Variants in KSR1 observed in about 807,000 individuals in gnomAD.
KSR1 encodes kinase suppressor of ras 1.
KSR1 carries 35 observed loss-of-function variants against 92.9 expected under a neutral mutation model. The ratio of observed to expected loss-of-function variants is 0.38; its 90% CI spans 0.29 to 0.50. KSR1 has a LOEUF of 0.50. Among genes scored for constraint, KSR1 ranks in the 20% least tolerant of loss-of-function variants. KSR1 has a pLI of 0.94. For missense variants in KSR1, 972 were observed against 1,158.5 expected (o/e 0.84, Z 2.34); for synonymous variants, 467 against 472.6 (o/e 0.99, Z 0.15).
At chr17:27,607,211 A>AT (rs1276017615) in intron 14 of KSR1, among the ~76,000 whole-genome samples, 1 of 152,200 alleles carries the variant, frequency 6.6e-6, no homozygotes, top group Non-Finnish European at 1.5e-5. Context: ...ACAGATAAGG[A>AT]AATCACCAAC....
intron 1 of KSR1, among the ~76,000 whole-genome samples, chr17:27,479,539 G>A (rs935891059): frequency 4.6e-5 from 7 of 152,152 alleles, no homozygotes; most frequent in African/African-American, 9.7e-5. Flanking sequence ...AGGTGACAGG[G>A]ATGGGCTGCT....
chr17:27,498,058 G>A (rs926602479), intron 1 of KSR1, among the ~76,000 whole-genome samples: 5 of 152,132 alleles, frequency 3.3e-5, no homozygotes, highest in African/African-American at 9.7e-5. Flanking sequence ...GGCTGGGAGC[G>A]GTGGCTTATG....
chr17:27,547,778 T>C (rs1410151264), intron 1 of KSR1, among the ~76,000 whole-genome samples: 2 of 152,176 alleles, frequency 1.3e-5, no homozygotes, highest in Non-Finnish European at 2.9e-5. Flanking sequence ...AGTGGCATGA[T>C]CTTGGCTTCC....
At chr17:27,575,779 A>G (rs1367960463) in intron 2 of KSR1, among the ~76,000 whole-genome samples, 5 of 152,108 alleles carry the variant, frequency 3.3e-5, no homozygotes, top group Admixed American at 2.6e-4. Context: ...CCTTGATTCT[A>G]CCATTCATTC....
At chr17:27,556,343 A>AG (rs2071595170) in intron 2 of KSR1, among the ~76,000 whole-genome samples, 1 of 151,962 alleles carries the variant, frequency 6.6e-6, no homozygotes, top group African/African-American at 2.4e-5. Flanking sequence ...CTTCCCAAGT[A>AG]GCTGGGACTG....
Position 27,526,214 on chromosome 17 carries a change from A to C in KSR1, c.232-24354A>C, listed in dbSNP as rs2070292252. On this transcript the variant is annotated intron_variant, in intron 1 of 20. Transcript: ENST00000644974. The stretch of plus-strand genomic sequence containing the variant: ...AGAAGACTGTAACAGCTTCTTTGCC[A>C]CTTAAGGGGTACAAAGGGTGCAGCT... 4.0e-5 allele frequency among the ~76,000 whole-genome samples: 6 copies of C among 151,594 alleles called. 1 individual carries two copies. In the South Asian group the frequency reaches 1.2e-3, roughly 31 times the overall value.
intron 1 of KSR1, among the ~76,000 whole-genome samples, chr17:27,470,428 G>T (rs561263782): frequency 6.6e-6 from 1 of 152,178 alleles, no homozygotes; most frequent in Admixed American, 6.5e-5. Context: ...TTTTAGTAGA[G>T]ACAGGGTTTC....
At chr17:27,550,761 G>T in intron 2 of KSR1, 53 bp downstream of exon 2, 1 of 739,358 alleles carries the variant, frequency 1.4e-6, no homozygotes, top group South Asian at 1.4e-5. Context: ...CAAGCAGAGG[G>T]AACACACACA....
At chr17:27,535,992 C>G (rs576772724) in intron 1 of KSR1, among the ~76,000 whole-genome samples, 10 of 152,356 alleles carry the variant, frequency 6.6e-5, no homozygotes, top group Admixed American at 2.6e-4. Flanking sequence ...GACACTGCCT[C>G]TCTCCCATTG....
Position 27,617,402 on chromosome 17 carries a change from C to T in KSR1, c.2601C>T (p.His867=), listed in dbSNP as rs1357306538. The T allele has an allele frequency of 6.2e-7, 1 of 1,612,126 alleles. No individual in the cohort carries two copies. The highest frequency in any genetic ancestry group is 8.5e-7 in the Non-Finnish European group (1 of 1,178,598). Reference sequence around the variant, plus strand: ...CCAAGCTGAACCGGCGGCTCTCCCACCCTGGACACTTCTGGAAGTCAGCTG... The same window carrying T: ...CCAAGCTGAACCGGCGGCTCTCCCATCCTGGACACTTCTGGAAGTCAGCTG... The part of the protein sequence containing the change: ...KLPKLNRRLS[H]PGHFWKSADR... The change falls in exon 19 of 21, where the codon CAC becomes CAT. Residue 867 remains histidine (H), a synonymous_variant. Coordinates refer to ENST00000644974, the MANE Select transcript of KSR1 (RefSeq NM_001394583.1).
intron 1 of KSR1, among the ~76,000 whole-genome samples, chr17:27,520,807 T>C (rs1032119635): frequency 3.3e-5 from 5 of 152,220 alleles, no homozygotes; most frequent in African/African-American, 1.2e-4. Flanking sequence ...GGGTGCTGCC[T>C]TCCCCCTTAC....
intron 2 of KSR1, among the ~76,000 whole-genome samples, chr17:27,575,091 G>T (rs2072454020): frequency 6.6e-6 from 1 of 152,198 alleles, no homozygotes; most frequent in South Asian, 2.1e-4. Context: ...CCAAAAGAGG[G>T]TTCTTGAGTC....
Position 27,602,115 on chromosome 17 carries a change from GT to G in KSR1, c.1510+724del, listed in dbSNP as rs368673379. ...GGTGTTTAAAACAAAGACTGTAGCT[GT>G]TTTTTTTTTGGATTGAACAGGACTG... On this transcript the variant is annotated intron_variant, in intron 11 of 20. Transcript: ENST00000644974. Among the ~76,000 whole-genome samples, 543 of 149,424 alleles carry G rather than the reference GT, an allele frequency of 3.6e-3. 8 individuals carry two copies. Among genetic ancestry groups the G allele is most frequent in the African/African-American group, 0.013 (513 of 40,902 alleles).
chr17:27,603,992 C>A, intron 12 of KSR1, 104 bp downstream of exon 12: 2 of 1,170,918 alleles, frequency 1.7e-6, no homozygotes, highest in Non-Finnish European at 2.5e-6. Context: ...CTCCAGCCAG[C>A]CAGATGCAGA....
chr17:27,592,553 C>T lies in KSR1; in HGVS notation c.1226C>T (p.Ser409Leu), dbSNP rs541427667. 3.3e-5 allele frequency: 54 copies of T among 1,613,958 alleles called. 1 individual carries two copies. In the South Asian group the frequency reaches 5.1e-4, roughly 15 times the overall value. ...TRLRRTESVP[S>L]DINNPVDRAA... ...CTTCGGAGGACAGAATCTGTCCCCT[C>T]GGACATCAACAACCCGGTGGACAGA... The change falls in exon 9 of 21, where the codon TCG becomes TTG. Residue 409 changes from serine to leucine, a missense_variant. Ser to Leu is a moderately radical substitution (Grantham distance 145). This residue lies in a region of KSR1 where 611 missense variants were observed against 668.0 expected (regional missense o/e 0.91). Transcript: ENST00000644974.
chr17:27,501,644 A>G (rs150854609), intron 1 of KSR1, among the ~76,000 whole-genome samples: 2 of 152,314 alleles, frequency 1.3e-5, no homozygotes, highest in South Asian at 2.1e-4. Context: ...GATTACAGGC[A>G]TGCGCCACCA....
chr17:27,542,120 C>G (rs1467372717), intron 1 of KSR1, among the ~76,000 whole-genome samples: 2 of 152,194 alleles, frequency 1.3e-5, no homozygotes, highest in Admixed American at 1.3e-4. Flanking sequence ...ATTGGGACAT[C>G]AGTCACCCTT....
chr17:27,470,565 A>G (rs1597830924), intron 1 of KSR1, among the ~76,000 whole-genome samples: 1 of 152,140 alleles, frequency 6.6e-6, no homozygotes, highest in East Asian at 1.9e-4. Flanking sequence ...TAGTAGAGAC[A>G]GGGTTTCACC....
chr17:27,546,043 A>G (rs895737617), intron 1 of KSR1, among the ~76,000 whole-genome samples: 1 of 152,208 alleles, frequency 6.6e-6, no homozygotes, highest in African/African-American at 2.4e-5. Context: ...TAATGTGGAA[A>G]AGAGTGGTTT....
Sources: gnomAD v4.1 joint callset for allele counts (sites outside exome capture counted in the v4.1 genomes callset) on GRCh38, gnomAD v4.1.1 for gene constraint, gnomAD v4.1.1 regional missense constraint, MANE v1.5 for transcripts, NCBI Gene and HGNC (gene_info 2026-07-23, HGNC 2026-07-21) for gene names.